The following UTP18 variants were observed in gnomAD, a reference collection of about 807,000 sequenced individuals.
The protein encoded by UTP18 is U3 small nucleolar RNA-associated protein 18 homolog.
UTP18 carries 36 observed loss-of-function variants against 61.1 expected under a neutral mutation model. The observed-to-expected ratio is 0.59, with a 90% CI of 0.45 to 0.78. The LOEUF is 0.78. UTP18 is among the 30% of genes least tolerant of loss of function. The pLI, the probability that UTP18 is intolerant of heterozygous loss-of-function variation, is 0.00. For synonymous variants in UTP18, 282 were observed against 251.1 expected, an observed-to-expected ratio of 1.12 and a Z score of -1.16; for missense variants, 753 against 693.9, an observed-to-expected ratio of 1.09 and a Z score of -0.96.
intron 10 of UTP18, 139 bp downstream of exon 10, chr17:51,285,507 G>C (rs1905076707): frequency 9.9e-7 from 1 of 1,011,486 alleles, no homozygotes; most frequent in Non-Finnish European, 1.4e-6. Flanking sequence ...ACCCAGCTGA[G>C]CTTTTTTCAT....
In UTP18 at chr17:51,280,125, T is replaced by G. The variant is rs1324157074; in HGVS notation, c.1113+20T>G. 1 of 1,602,738 alleles carries G rather than the reference T, an allele frequency of 6.2e-7. No individual in the cohort carries two copies. Among genetic ancestry groups the G allele is most frequent in the Non-Finnish European group, 8.5e-7 (1 of 1,171,280 alleles). ...ATGAAGGTAAAGCATTATTATTGCT[T>G]CTTGTTCTTCTCCCACAAGACACTA... is the stretch of plus-strand genomic sequence containing the variant. On this transcript the variant is annotated intron_variant, in intron 8 of 13. Coordinates refer to ENST00000225298, the MANE Select transcript of UTP18 (RefSeq NM_016001.3).
At chr17:51,289,340 G>T (rs1905190410) in intron 11 of UTP18, among the ~76,000 whole-genome samples, 1 of 151,026 alleles carries the variant, frequency 6.6e-6, no homozygotes, top group African/African-American at 2.4e-5. Flanking sequence ...GGGATTATAG[G>T]CATGCGCCAC....
At chr17:51,269,917 G>C (rs1202555080) in intron 4 of UTP18, among the ~76,000 whole-genome samples, 1 of 151,878 alleles carries the variant, frequency 6.6e-6, no homozygotes, top group Admixed American at 6.6e-5. Context: ...GTGCAGTGGG[G>C]CAATCTCAGC....
intron 1 of UTP18, among the ~76,000 whole-genome samples, chr17:51,261,411 C>T (rs577333116): frequency 1.9e-4 from 29 of 152,318 alleles, no homozygotes; most frequent in African/African-American, 6.0e-4. Flanking sequence ...GTTCATTTAG[C>T]AAATATTGGT....
chr17:51,276,915 A>T (rs527918454), intron 6 of UTP18, among the ~76,000 whole-genome samples: 1 of 152,162 alleles, frequency 6.6e-6, no homozygotes, highest in Non-Finnish European at 1.5e-5. Flanking sequence ...GTGTTCAGCA[A>T]CCCAGAAGCT....
chr17:51,262,139 T>A (rs903149124), intron 1 of UTP18, among the ~76,000 whole-genome samples: 1 of 151,856 alleles, frequency 6.6e-6, no homozygotes, highest in Non-Finnish European at 1.5e-5. Flanking sequence ...TGGAGTGCAG[T>A]GGCGCCATCT....
intron 10 of UTP18, among the ~76,000 whole-genome samples, chr17:51,287,713 A>G (rs1414981533): frequency 6.6e-6 from 1 of 152,234 alleles, no homozygotes; most frequent in Non-Finnish European, 1.5e-5. Context: ...ATGAGACACT[A>G]GAAGTAGGTT....
intron 5 of UTP18, among the ~76,000 whole-genome samples, chr17:51,274,059 AGCCTCATATCAG>A (rs1904631268): frequency 1.3e-5 from 2 of 152,156 alleles, no homozygotes; most frequent in Admixed American, 1.3e-4. Flanking sequence ...CTGGATCCTT[AGCCTCATATCAG>A]ACCTGTTTCC....
rs187683485 is a variant in UTP18 at position 51,293,793 on chromosome 17, A to C, written c.1504-110A>C. On this transcript the variant is annotated intron_variant, in intron 11 of 13. Transcript: ENST00000225298. ...AATAGACTGTACTTTCTTGTGTGCT[A>C]CAATCAAAATGAGCTTTATGTTTCA... The C allele has an allele frequency of 6.8e-5, 65 of 959,906 alleles. No homozygotes were observed. In the African/African-American group the frequency reaches 1.0e-3, roughly 15 times the overall value. 59.5% of individuals were successfully genotyped at this position (959,906 alleles called of 1,614,324 possible).
At chr17:51,278,038 T>A (rs1427295420) in intron 7 of UTP18, among the ~76,000 whole-genome samples, 1 of 152,218 alleles carries the variant, frequency 6.6e-6, no homozygotes. Flanking sequence ...AGTAGCTCTG[T>A]ACAACCATTT....
chr17:51,274,724 T>C (rs1315984064), intron 5 of UTP18, among the ~76,000 whole-genome samples: 2 of 151,792 alleles, frequency 1.3e-5, no homozygotes, highest in Admixed American at 6.6e-5. Flanking sequence ...GTGCTGGGAT[T>C]ACAGGCGTGA....
chr17:51,261,094 T>G (rs2055458689), intron 1 of UTP18, among the ~76,000 whole-genome samples, 168 bp downstream of exon 1: 1 of 152,208 alleles, frequency 6.6e-6, no homozygotes. Context: ...GTCCCTCGCC[T>G]CCCTGCTCCA....
At chr17:51,287,962 A>AGGT (rs778524641) in intron 10 of UTP18, 67 bp from the exon 11 acceptor site, 48 of 1,230,072 alleles carry the variant, frequency 3.9e-5, no homozygotes, top group Admixed American at 6.8e-5. Context: ...TTAAATCTAT[A>AGGT]TTCACTTAGG....
chr17:51,267,706 A>G (rs1598474877), intron 3 of UTP18, among the ~76,000 whole-genome samples: 1 of 152,138 alleles, frequency 6.6e-6, no homozygotes, highest in East Asian at 1.9e-4. Flanking sequence ...GTCCAGTTGT[A>G]TCAGTCTCTT....
At chr17:51,273,221 T>G (rs1052035555) in intron 4 of UTP18, 141 bp from the exon 5 acceptor site, 3 of 481,364 alleles carry the variant, frequency 6.2e-6, no homozygotes, top group Non-Finnish European at 1.1e-5. Flanking sequence ...CTTTTGCCAG[T>G]TGCAGCTTTA....
intron 7 of UTP18, among the ~76,000 whole-genome samples, chr17:51,278,076 G>A (rs1364251554): frequency 6.6e-6 from 1 of 152,172 alleles, no homozygotes; most frequent in Non-Finnish European, 1.5e-5. Context: ...AGTGGATGGG[G>A]CCAACTTTAG....
At chr17:51,289,757 T>C (rs1180289302) in intron 11 of UTP18, among the ~76,000 whole-genome samples, 3 of 152,256 alleles carry the variant, frequency 2.0e-5, no homozygotes. Context: ...AAGTGTGTTA[T>C]TTTTATTGTG....
intron 9 of UTP18, among the ~76,000 whole-genome samples, chr17:51,282,745 C>G (rs1904979078): frequency 6.6e-6 from 1 of 152,000 alleles, no homozygotes; most frequent in Admixed American, 6.6e-5. Flanking sequence ...ATCATAAGGT[C>G]CTAAGAAAGC....
At chr17:51,279,514 T>A (rs895719444) in intron 7 of UTP18, among the ~76,000 whole-genome samples, 3 of 152,068 alleles carry the variant, frequency 2.0e-5, no homozygotes, top group Non-Finnish European at 2.9e-5. Context: ...TTGTTTTTGT[T>A]TTTGACTCAC....
Sources: allele counts gnomAD v4.1 joint callset (sites outside exome capture counted in the v4.1 genomes callset), GRCh38; gene constraint gnomAD v4.1.1; transcripts MANE v1.5; gene names NCBI Gene and HGNC (gene_info 2026-07-23, HGNC 2026-07-21).